Variants in MYT1L observed in about 807,000 individuals in gnomAD.
MYT1L encodes myelin transcription factor 1 like.
MYT1L carries 12 observed loss-of-function variants against 126.7 expected under a neutral mutation model. That is an observed-to-expected ratio of 0.09 (90% CI 0.06 to 0.15). MYT1L has a LOEUF of 0.15. Ranked by LOEUF, MYT1L falls within the 10% of genes least tolerant of loss-of-function variation. The pLI is 1.00. For synonymous variants in MYT1L, 541 were observed against 604.2 expected (o/e 0.90, Z 1.53); for missense variants, 979 against 1,585.2 (o/e 0.62, Z 6.49).
rs1235755049 is a variant in MYT1L at position 1,848,290 on chromosome 2, GCGCGAGGCA to G, written c.2774+3342_2774+3350del. Among the ~76,000 whole-genome samples the G allele has an allele frequency of 3.9e-5, 2 of 50,852 alleles. No homozygotes were observed. Among genetic ancestry groups the G allele is most frequent in the African/African-American group, 2.7e-4 (2 of 7,390 alleles). The allele number at this position is 50,852 out of a possible 152,430, so 33.4% of individuals were successfully genotyped here. The stretch of plus-strand genomic sequence containing the variant: ...GGAGAATTCTACAGACACCACGGAA[GCGCGAGGCA>G]TTTGTCCTGGGAGCAGGAGGAAGAA... On this transcript the variant is annotated intron_variant, in intron 19 of 24. Coordinates refer to ENST00000647738, the MANE Select transcript of MYT1L (RefSeq NM_001303052.2). The surrounding 1 kb of genome is among the most constrained non-coding windows in gnomAD (Gnocchi z 4.8).
At chr2:1,952,714 C>CCTT (rs2057885615) in intron 8 of MYT1L, among the ~76,000 whole-genome samples, 2 of 40,104 alleles carry the variant, frequency 5.0e-5, no homozygotes, top group Non-Finnish European at 1.1e-4. Flanking sequence ...TCCTTCCCTT[C>CCTT]CCTCCTTCCT....
At chr2:2,038,553 A>G (rs2067146833) in intron 4 of MYT1L, among the ~76,000 whole-genome samples, 1 of 152,082 alleles carries the variant, frequency 6.6e-6, no homozygotes, top group Admixed American at 6.6e-5. Flanking sequence ...TTATTTGTCA[A>G]TATTTCTGTA....
At chr2:2,166,948 T>G (rs1261716046) in intron 3 of MYT1L, among the ~76,000 whole-genome samples, 3 of 152,174 alleles carry the variant, frequency 2.0e-5, no homozygotes, top group Admixed American at 6.5e-5. Context: ...GGGTTCAGAG[T>G]GCGTCATTTT....
chr2:1,854,014 T>G (rs1460005797), intron 18 of MYT1L, among the ~76,000 whole-genome samples: 1 of 152,208 alleles, frequency 6.6e-6, no homozygotes, highest in African/African-American at 2.4e-5. Context: ...ATTGCTTGGT[T>G]TATGTGTCCT....
At chr2:2,186,423 A>C (rs932301376) in intron 2 of MYT1L, among the ~76,000 whole-genome samples, 1 of 152,352 alleles carries the variant, frequency 6.6e-6, no homozygotes, top group African/African-American at 2.4e-5. Flanking sequence ...TTTTGAAGCC[A>C]AGATAGCGTG....
intron 2 of MYT1L, among the ~76,000 whole-genome samples, chr2:2,266,697 G>A (rs1219913216): frequency 6.6e-6 from 1 of 152,200 alleles, no homozygotes; most frequent in Non-Finnish European, 1.5e-5. Flanking sequence ...ACTCCCACAT[G>A]TTGTGGGAGG....
chr2:1,903,625 G>A (rs922369905), intron 13 of MYT1L, among the ~76,000 whole-genome samples: 1 of 152,110 alleles, frequency 6.6e-6, no homozygotes, highest in African/African-American at 2.4e-5. Flanking sequence ...TTCCAGTCCT[G>A]AAATTTCTTT....
At chr2:2,247,863 G>A (rs111684980) in intron 2 of MYT1L, among the ~76,000 whole-genome samples, 10,162 of 151,974 alleles carry the variant, frequency 0.067, 405 homozygotes, top group South Asian at 0.17. Context: ...ACAACATACC[G>A]AAACCTATGG....
In MYT1L at chr2:1,915,111, C is replaced by T. The variant is rs1412285394; in HGVS notation, c.1618+2094G>A. ...CTGAGGGCCAGTACAGTGTCTCGGGCAATGGCGTGTCCTCAGTGGTCCTGA... is the reference window on the plus strand; with the variant it reads ...CTGAGGGCCAGTACAGTGTCTCGGGTAATGGCGTGTCCTCAGTGGTCCTGA... On this transcript the variant is annotated intron_variant, in intron 11 of 24. Transcript: ENST00000647738. 2.0e-5 allele frequency among the ~76,000 whole-genome samples: 3 copies of T among 152,138 alleles called. No individual in the cohort carries two copies. The East Asian group carries it at 5.8e-4, about 29-fold the overall frequency.
intron 8 of MYT1L, among the ~76,000 whole-genome samples, chr2:1,950,442 C>T (rs892503257): frequency 3.3e-5 from 5 of 152,092 alleles, no homozygotes; most frequent in East Asian, 1.9e-4. Flanking sequence ...CATGGGACAC[C>T]GAGACACAGT....
chr2:2,027,304 C>G (rs2065746081), intron 4 of MYT1L, among the ~76,000 whole-genome samples: 1 of 152,202 alleles, frequency 6.6e-6, no homozygotes, highest in Non-Finnish European at 1.5e-5. Flanking sequence ...CCAGCAACAG[C>G]TGCACGTGGA....
At chr2:1,884,476 T>A (rs959401979) in intron 18 of MYT1L, among the ~76,000 whole-genome samples, 7 of 152,182 alleles carry the variant, frequency 4.6e-5, no homozygotes, top group African/African-American at 1.7e-4. Context: ...AAGTAACAGA[T>A]AAAAGGGGTC....
In MYT1L at chr2:1,791,725, TA is replaced by T; in HGVS notation, c.*141del. On this transcript the variant is annotated 3_prime_UTR_variant, in exon 25 of 25. Coordinates refer to ENST00000647738, the MANE Select transcript of MYT1L (RefSeq NM_001303052.2). The surrounding 1 kb of genome is among the most constrained non-coding windows in gnomAD (Gnocchi z 6.0). ...CAGGTACTATCTTTAAAGCAAGACA[TA>T]AAATCATTATGAAGTCTTGTAAGCA... 1.2e-6 allele frequency: 1 copy of T among 838,106 alleles called. No homozygotes were observed. The highest frequency in any genetic ancestry group is 1.8e-6 in the Non-Finnish European group (1 of 568,206). The allele number at this position is 838,106 out of a possible 1,614,324, so 51.9% of individuals were successfully genotyped here. A position where few individuals can be genotyped will look rare whatever the true frequency, so the allele number is the denominator to read the frequency against.
chr2:1,865,756 C>G (rs987585146), intron 18 of MYT1L, among the ~76,000 whole-genome samples: 1 of 152,096 alleles, frequency 6.6e-6, no homozygotes, highest in Non-Finnish European at 1.5e-5. Flanking sequence ...AGAGCCAGCA[C>G]TTAGTACATG....
At chr2:2,165,970 A>AAAAAATAAAATATTTT (rs1489200697) in intron 3 of MYT1L, among the ~76,000 whole-genome samples, 3 of 151,988 alleles carry the variant, frequency 2.0e-5, no homozygotes, top group South Asian at 2.1e-4. Context: ...CTACTTTGTA[A>AAAAAATAAAATATTTT]AGTTTTAAAG....
Position 2,282,880 on chromosome 2 carries a change from G to T in MYT1L, c.-421+1524C>A, listed in dbSNP as rs147701055. ...ACTTGAGGTCAGGAGTTGGAGACCA[G>T]CCTGGCCAACATGGTGAAACCCCGT... is the stretch of plus-strand genomic sequence containing the variant. On this transcript the variant is annotated intron_variant, in intron 2 of 24. Transcript: ENST00000647738. Among the ~76,000 whole-genome samples, 1,484 of 152,316 alleles carry T rather than the reference G, an allele frequency of 9.7e-3. 10 individuals are homozygous for T. Among genetic ancestry groups the T allele is most frequent in the Non-Finnish European group, 0.015 (1,049 of 68,014 alleles).
chr2:2,213,877 T>G (rs2093603025), intron 2 of MYT1L, among the ~76,000 whole-genome samples: 2 of 152,056 alleles, frequency 1.3e-5, no homozygotes, highest in African/African-American at 4.8e-5. Context: ...AGGAGAAAAA[T>G]CAATCAATCT....
chr2:1,860,193 G>T (rs546628357), intron 18 of MYT1L, among the ~76,000 whole-genome samples: 4 of 152,216 alleles, frequency 2.6e-5, no homozygotes, highest in African/African-American at 9.6e-5. Flanking sequence ...TTCACTTAAC[G>T]GGATGTGTCC....
intron 3 of MYT1L, among the ~76,000 whole-genome samples, chr2:2,080,187 C>T (rs971718855): frequency 2.6e-5 from 4 of 151,938 alleles, no homozygotes; most frequent in Non-Finnish European, 5.9e-5. Context: ...TATCAAAGGC[C>T]TAAATGTAGA....
Sources: gnomAD v4.1 joint callset for allele counts (sites outside exome capture counted in the v4.1 genomes callset) on GRCh38, gnomAD v4.1.1 for gene constraint, Gnocchi (gnomAD v3.1) non-coding constraint, MANE v1.5 for transcripts, NCBI Gene and HGNC (gene_info 2026-07-23, HGNC 2026-07-21) for gene names.